Variants in CACNA2D3 observed in about 807,000 individuals in gnomAD.
The protein encoded by CACNA2D3 is voltage-dependent calcium channel subunit alpha-2/delta-3.
A neutral mutation model predicts 160.6 loss-of-function variants in CACNA2D3; 60 were observed. The ratio of observed to expected loss-of-function variants is 0.37; its 90% CI spans 0.30 to 0.46. The LOEUF is 0.46. Among genes scored for constraint, CACNA2D3 ranks in the 20% least tolerant of loss-of-function variants. The pLI is 1.00. For synonymous variants in CACNA2D3, 558 were observed against 492.9 expected (o/e 1.13, Z -1.75); for missense variants, 1,205 against 1,365.0 (o/e 0.88, Z 1.85).
intron 17 of CACNA2D3, among the ~76,000 whole-genome samples, chr3:54,863,359 T>C (rs948228105): frequency 6.6e-6 from 1 of 152,178 alleles, no homozygotes; most frequent in African/African-American, 2.4e-5. Flanking sequence ...GAGCATTCTT[T>C]TCTCAGCGTT....
chr3:55,052,155 AT>A (rs1175101663), intron 35 of CACNA2D3, among the ~76,000 whole-genome samples: 1 of 151,772 alleles, frequency 6.6e-6, no homozygotes, highest in Non-Finnish European at 1.5e-5. Context: ...AATTCAAAAT[AT>A]TTTCTCATTT....
intron 13 of CACNA2D3, among the ~76,000 whole-genome samples, chr3:54,804,127 C>T (rs571299970): frequency 0.01 from 1,535 of 152,082 alleles, 21 homozygotes; most frequent in Non-Finnish European, 0.016. Context: ...ACCATCGAGA[C>T]TAGGAAGAAA....
At chr3:54,775,107 G>A (rs889704892) in intron 13 of CACNA2D3, among the ~76,000 whole-genome samples, 3 of 152,184 alleles carry the variant, frequency 2.0e-5, no homozygotes, top group Admixed American at 6.5e-5. Flanking sequence ...AGATAGGCCT[G>A]TTTGAGTCAC....
At chr3:54,402,332 T>C (rs1377660962) in intron 4 of CACNA2D3, among the ~76,000 whole-genome samples, 3 of 151,884 alleles carry the variant, frequency 2.0e-5, no homozygotes, top group African/African-American at 7.3e-5. Context: ...CCAAAAGACA[T>C]AGAGTGGCTA....
chr3:54,912,845 A>G (rs965712215), intron 27 of CACNA2D3, among the ~76,000 whole-genome samples: 12 of 152,100 alleles, frequency 7.9e-5, no homozygotes, highest in Admixed American at 3.3e-4. Flanking sequence ...CCTATATGCC[A>G]CATTGTAGAC....
chr3:54,815,528 T>A (rs1034533526), intron 13 of CACNA2D3, among the ~76,000 whole-genome samples: 2 of 152,214 alleles, frequency 1.3e-5, no homozygotes, highest in Non-Finnish European at 2.9e-5. Context: ...CTCATTTAGT[T>A]GCTTTGCATT....
intron 3 of CACNA2D3, among the ~76,000 whole-genome samples, chr3:54,338,605 C>T (rs144009108): frequency 1.3e-5 from 2 of 152,058 alleles, no homozygotes; most frequent in African/African-American, 4.8e-5. Flanking sequence ...GTCTTTCTGG[C>T]ATTCCCCAGC....
At chr3:55,033,455 C>T (rs1302925245) in intron 35 of CACNA2D3, among the ~76,000 whole-genome samples, 2 of 151,454 alleles carry the variant, frequency 1.3e-5, no homozygotes, top group Admixed American at 6.6e-5. Context: ...TATGCACATA[C>T]AGGCGCTTAG....
intron 2 of CACNA2D3, among the ~76,000 whole-genome samples, chr3:54,265,119 C>A (rs957449581): frequency 1.3e-5 from 2 of 152,156 alleles, no homozygotes; most frequent in Non-Finnish European, 2.9e-5. Flanking sequence ...ATTGCTGGGT[C>A]AAATGGTATT....
intron 13 of CACNA2D3, among the ~76,000 whole-genome samples, chr3:54,816,129 T>C (rs1343847322): frequency 6.6e-6 from 1 of 152,218 alleles, no homozygotes; most frequent in African/African-American, 2.4e-5. Context: ...ATGGATTGAC[T>C]GACTGCCTTT....
At chr3:54,500,609 T>C (rs1042138655) in intron 4 of CACNA2D3, among the ~76,000 whole-genome samples, 3 of 151,428 alleles carry the variant, frequency 2.0e-5, no homozygotes, top group African/African-American at 7.3e-5. Context: ...TTTCTTTCCT[T>C]ATTTCTTTCT....
chr3:54,674,630 T>G (rs1700209231), intron 11 of CACNA2D3, among the ~76,000 whole-genome samples: 1 of 152,034 alleles, frequency 6.6e-6, no homozygotes, highest in Non-Finnish European at 1.5e-5. Context: ...TCAAGTTGGT[T>G]GGAAGGATAG....
intron 9 of CACNA2D3, among the ~76,000 whole-genome samples, chr3:54,588,038 T>C (rs538765281): frequency 6.6e-6 from 1 of 152,298 alleles, no homozygotes; most frequent in East Asian, 1.9e-4. Flanking sequence ...ATATTTCTCA[T>C]GAACTTACAT....
chr3:54,244,924 T>C (rs971887113), intron 2 of CACNA2D3, among the ~76,000 whole-genome samples: 1 of 152,220 alleles, frequency 6.6e-6, no homozygotes, highest in African/African-American at 2.4e-5. Context: ...GAAGTTCTAG[T>C]AATTATATAC....
intron 5 of CACNA2D3, among the ~76,000 whole-genome samples, chr3:54,518,881 T>C (rs2106982629): frequency 6.6e-6 from 1 of 152,308 alleles, no homozygotes; most frequent in South Asian, 2.1e-4. Context: ...GGATTCTGTA[T>C]AGAATATTTG....
chr3:54,711,618 A>G (rs1454911508), intron 11 of CACNA2D3, among the ~76,000 whole-genome samples: 1 of 152,238 alleles, frequency 6.6e-6, no homozygotes, highest in Admixed American at 6.5e-5. Flanking sequence ...AACAGATGGG[A>G]TTACCATGAT....
intron 11 of CACNA2D3, among the ~76,000 whole-genome samples, chr3:54,680,010 G>A (rs910895912): frequency 6.6e-6 from 1 of 152,182 alleles, no homozygotes; most frequent in African/African-American, 2.4e-5. Flanking sequence ...ATGAAAACCA[G>A]TAACAGCGGA....
At chr3:54,435,432 A>G (rs574460602) in intron 4 of CACNA2D3, among the ~76,000 whole-genome samples, 25 of 152,126 alleles carry the variant, frequency 1.6e-4, no homozygotes, top group Non-Finnish European at 3.5e-4. Context: ...TTGTAGCCCC[A>G]TGTTCACTGG....
intron 2 of CACNA2D3, among the ~76,000 whole-genome samples, chr3:54,183,616 A>G (rs1269912059): frequency 1.3e-5 from 2 of 151,950 alleles, no homozygotes; most frequent in African/African-American, 4.8e-5. Context: ...TGGGTACGGT[A>G]GCTCACGCTT....
Sources: allele counts gnomAD v4.1 joint callset (sites outside exome capture counted in the v4.1 genomes callset), GRCh38; gene constraint gnomAD v4.1.1; transcripts MANE v1.5; gene names NCBI Gene and HGNC (gene_info 2026-07-23, HGNC 2026-07-21).